Variants in MPST observed in about 807,000 individuals in gnomAD.
MPST encodes mercaptopyruvate sulfurtransferase.
Under a neutral mutation model 28.5 loss-of-function variants are expected in MPST, and 27 were observed. That is an observed-to-expected ratio of 0.95 (90% CI 0.70 to 1.31). MPST has a LOEUF of 1.31. Among genes scored for constraint, MPST ranks in the 50% most tolerant of loss-of-function variants. The pLI is 0.00. For missense variants in MPST, 492 were observed against 471.1 expected (o/e 1.04, Z -0.41); for synonymous variants, 204 against 209.3 (o/e 0.97, Z 0.22).
chr22:37,022,192 C>A (rs180741503), intron 1 of MPST, among the ~76,000 whole-genome samples: 2 of 152,204 alleles, frequency 1.3e-5, no homozygotes, highest in East Asian at 3.9e-4. Flanking sequence ...GCCAAACACC[C>A]CTTGGCAGCC....
chr22:37,020,069 C>T, intron 1 of MPST, 197 bp downstream of exon 1: 3 of 212,180 alleles, frequency 1.4e-5, no homozygotes, highest in Non-Finnish European at 1.8e-5. Flanking sequence ...TGGCGAGTGG[C>T]GGGTGGGGAG....
At chr22:37,029,114 A>G (rs946613746) in intron 2 of MPST, 102 bp from the exon 3 acceptor site, 4 of 1,095,738 alleles carry the variant, frequency 3.7e-6, no homozygotes, top group Non-Finnish European at 5.2e-6. Context: ...ATTTAGCACC[A>G]TGCTTGCATG....
At position 37,029,311 on chromosome 22, in the gene MPST, C is replaced by T; in HGVS notation, c.751C>T (p.His251Tyr). The T allele has an allele frequency of 6.2e-7, 1 of 1,614,164 alleles. No homozygotes were observed. The highest frequency in any genetic ancestry group is 8.5e-7 in the Non-Finnish European group (1 of 1,180,020). ...GLEKSPEEIR[H>Y]LFQEKKVDLS... ...GGAGAAGAGCCCTGAGGAGATCCGC[C>T]ATCTGTTCCAGGAGAAGAAAGTGGA... is the stretch of plus-strand genomic sequence containing the variant. Residue 251 changes from histidine (H) to tyrosine (Y), a missense_variant, in exon 3 of 3, where the codon CAT (histidine) becomes TAT (tyrosine). His to Tyr is a moderately conservative substitution (Grantham distance 83, BLOSUM62 2). Coordinates refer to ENST00000429360, the MANE Select transcript of MPST (RefSeq NM_021126.8).
chr22:37,024,931 T>C (rs1260373935), intron 2 of MPST, 121 bp downstream of exon 2: 2 of 1,537,902 alleles, frequency 1.3e-6, no homozygotes, highest in Admixed American at 3.9e-5. Flanking sequence ...TCCTTTCCTT[T>C]TTTCTTTCCT....
At chr22:37,028,913 G>A (rs1347478929) in intron 2 of MPST, 3 of 350,804 alleles carry the variant, frequency 8.6e-6, no homozygotes, top group African/African-American at 2.1e-5. Flanking sequence ...TTGCTTTGCT[G>A]TCCCTAGGGT....
intron 2 of MPST, chr22:37,025,127 G>A: frequency 7.1e-7 from 1 of 1,412,410 alleles, no homozygotes; most frequent in South Asian, 1.2e-5. Context: ...CACTGCATGA[G>A]GTGGGGAAGG....
chr22:37,024,871 G>A (rs776433142), intron 2 of MPST, 61 bp downstream of exon 2: 1 of 1,574,046 alleles, frequency 6.4e-7, no homozygotes, highest in Non-Finnish European at 8.6e-7. Context: ...CCTGAGCAGT[G>A]CCCTGGACTT....
chr22:37,019,937 C>G, intron 1 of MPST, 65 bp downstream of exon 1: 1 of 762,170 alleles, frequency 1.3e-6, no homozygotes, highest in East Asian at 3.5e-5. Context: ...TGGGGGTGCT[C>G]GGCGCGGGGC....
chr22:37,024,108 G>T (rs1923280687), intron 1 of MPST, 84 bp from the exon 2 acceptor site: 1 of 1,307,080 alleles, frequency 7.7e-7, no homozygotes, highest in Non-Finnish European at 9.9e-7. Context: ...TCCCCCGCCG[G>T]CCCTCGCCCA....
At chr22:37,020,346 C>T (rs942616947) in intron 1 of MPST, among the ~76,000 whole-genome samples, 1 of 152,094 alleles carries the variant, frequency 6.6e-6, no homozygotes, top group African/African-American at 2.4e-5. Context: ...GAGCGAGTTG[C>T]TGGAGGACAC....
At chr22:37,021,188 C>T (rs1923044473) in intron 1 of MPST, among the ~76,000 whole-genome samples, 1 of 152,138 alleles carries the variant, frequency 6.6e-6, no homozygotes, top group African/African-American at 2.4e-5. Context: ...CGGTTACGTC[C>T]TGGGGTCCTC....
intron 2 of MPST, chr22:37,025,099 G>C (rs1490102958): frequency 5.4e-6 from 8 of 1,478,980 alleles, no homozygotes; most frequent in Middle Eastern, 1.9e-4. Context: ...CGCTCAGCCT[G>C]ACCTTGCCTT....
chr22:37,025,815 A>G (rs1923483724), intron 2 of MPST: 1 of 152,300 alleles, frequency 6.6e-6, no homozygotes, highest in Non-Finnish European at 1.5e-5. Context: ...AGCTCTCTGA[A>G]GAGCATTCCC....
At chr22:37,024,841 C>T (rs1923399949) in intron 2 of MPST, 31 bp downstream of exon 2, 3 of 1,595,284 alleles carry the variant, frequency 1.9e-6, no homozygotes, top group Admixed American at 1.7e-5. Context: ...AGGAGGTCGT[C>T]GGGGGCGCGG....
intron 2 of MPST, 89 bp downstream of exon 2, chr22:37,024,899 T>G: frequency 6.5e-7 from 1 of 1,550,078 alleles, no homozygotes; most frequent in Non-Finnish European, 8.7e-7. Flanking sequence ...CTTTTATTTT[T>G]TTAATTTATC....
Position 37,019,756 on chromosome 22 carries a change from T to A in MPST, c.-81T>A. 1 of 606,194 alleles carries A rather than the reference T, an allele frequency of 1.6e-6. No individual in the cohort carries two copies. The highest frequency in any genetic ancestry group is 2.4e-6 in the Non-Finnish European group (1 of 416,884). 37.6% of individuals were successfully genotyped at this position (606,194 alleles called of 1,614,324 possible). ...GGCGGTGGGCTGTGCCGGAGTCTCC[T>A]CCCTTTGGTCCGCTGCAGGTTGGTG... On this transcript the variant is annotated 5_prime_UTR_variant, in exon 1 of 3. Coordinates refer to ENST00000429360, the MANE Select transcript of MPST (RefSeq NM_021126.8).
At position 37,024,714 on chromosome 22, in the gene MPST, G is replaced by A. The variant is rs1568969209; in HGVS notation, c.559G>A (p.Glu187Lys). ...QLDPAFIKTY[E>K]DIKENLESRR... is the part of the protein sequence containing the mutation. Reference sequence around the variant, plus strand: ...CGACCCCGCCTTCATCAAGACCTACGAGGACATCAAGGAGAACCTGGAATC... The same window carrying A: ...CGACCCCGCCTTCATCAAGACCTACAAGGACATCAAGGAGAACCTGGAATC... Residue 187 changes from glutamate (E) to lysine (K), a missense_variant, in exon 2 of 3, where the codon GAG becomes AAG. Transcript: ENST00000429360. 1 of 1,600,248 alleles carries A rather than the reference G, an allele frequency of 6.2e-7. No individual in the cohort carries two copies.
In MPST at chr22:37,024,432, G is replaced by T; in HGVS notation, c.277G>T (p.Asp93Tyr). ...GTGCAGCGACCGCACCTCGCCCTACGACCACATGCTGCCCGGGGCCGAGCA... is the reference window on the plus strand; with the variant it reads ...GTGCAGCGACCGCACCTCGCCCTACTACCACATGCTGCCCGGGGCCGAGCA... ...DQCSDRTSPYDHMLPGAEHFA... is the reference protein window; with the variant it reads ...DQCSDRTSPYYHMLPGAEHFA... Residue 93 changes from aspartate to tyrosine, a missense_variant, in exon 2 of 3, where the codon GAC (aspartate) becomes TAC (tyrosine). Transcript: ENST00000429360. 3 of 1,544,192 alleles carry T rather than the reference G, an allele frequency of 1.9e-6. No individual in the cohort carries two copies. The highest frequency in any genetic ancestry group is 1.2e-5 in the South Asian group (1 of 84,180).
In MPST at chr22:37,024,477, C is replaced by T. The variant is rs554782182; in HGVS notation, c.322C>T (p.Arg108Cys). ...CGAGCATTTCGCGGAGTACGCAGGCCGCCTGGGCGTGGGCGCGGCCACCCA... is the reference window on the plus strand; with the variant it reads ...CGAGCATTTCGCGGAGTACGCAGGCTGCCTGGGCGTGGGCGCGGCCACCCA... Reference protein sequence around the residue: ...GAEHFAEYAGRLGVGAATHVV... With the variant: ...GAEHFAEYAGCLGVGAATHVV... Residue 108 changes from arginine to cysteine, a missense_variant, in exon 2 of 3, where the codon CGC becomes TGC. Arg to Cys is a radical substitution (Grantham distance 180). Transcript: ENST00000429360. 11 of 1,558,272 alleles carry T rather than the reference C, an allele frequency of 7.1e-6. No individual in the cohort carries two copies. In the East Asian group the frequency reaches 1.9e-4, roughly 27 times the overall value.
Sources: gnomAD v4.1 joint callset for allele counts (sites outside exome capture counted in the v4.1 genomes callset) on GRCh38, gnomAD v4.1.1 for gene constraint, MANE v1.5 for transcripts, NCBI Gene and HGNC (gene_info 2026-07-23, HGNC 2026-07-21) for gene names.